The following PTGER3 variants were observed in gnomAD, a reference collection of about 807,000 sequenced individuals.
PTGER3 encodes the protein prostaglandin E2 receptor EP3 subtype.
PTGER3 carries 22 observed loss-of-function variants against 34.7 expected under a neutral mutation model. That is an observed-to-expected ratio of 0.63 (90% CI 0.45 to 0.91). The LOEUF (loss-of-function observed/expected upper bound fraction) is 0.91. PTGER3 is among the 40% of genes least tolerant of loss of function. PTGER3 has a pLI of 0.00. For synonymous variants in PTGER3, 241 were observed against 230.1 expected (o/e 1.05, Z -0.43); for missense variants, 468 against 519.4 (o/e 0.90, Z 0.96).
chr1:70,905,399 G>T, intron 4 of PTGER3, among the ~76,000 whole-genome samples: 1 of 152,106 alleles, frequency 6.6e-6, no homozygotes, highest in East Asian at 1.9e-4. Flanking sequence ...CCATGCACCT[G>T]GAAAAGCCTC....
intron 4 of PTGER3, among the ~76,000 whole-genome samples, chr1:70,919,996 C>T (rs1647371708): frequency 7.1e-6 from 1 of 140,272 alleles, no homozygotes; most frequent in African/African-American, 2.5e-5. Context: ...CTGGGTTTTA[C>T]TGGGGCAAGC....
chr1:70,889,861 C>T (rs1040604370), intron 4 of PTGER3, among the ~76,000 whole-genome samples: 8 of 151,194 alleles, frequency 5.3e-5, no homozygotes, highest in African/African-American at 1.9e-4. Context: ...TCCCTTGGGA[C>T]AGTTTACTTT....
At chr1:70,920,577 G>C (rs541566533) in intron 4 of PTGER3, among the ~76,000 whole-genome samples, 72 of 152,238 alleles carry the variant, frequency 4.7e-4, no homozygotes, top group African/African-American at 1.7e-3. Flanking sequence ...TTGACACATG[G>C]TATCAGTGTC....
chr1:70,889,220 C>T (rs1301147450), intron 4 of PTGER3, among the ~76,000 whole-genome samples: 6 of 151,508 alleles, frequency 4.0e-5, no homozygotes, highest in Non-Finnish European at 7.4e-5. Context: ...TCAAGACCAT[C>T]CTGGCTAACA....
At chr1:70,930,745 C>T (rs1009876249) in intron 4 of PTGER3, among the ~76,000 whole-genome samples, 1 of 152,260 alleles carries the variant, frequency 6.6e-6, no homozygotes, top group African/African-American at 2.4e-5. Flanking sequence ...GAAACCGCCC[C>T]ATGGTTCAAA....
chr1:70,968,818 G>A (rs653699), downstream of PTGER3, among the ~76,000 whole-genome samples: 140,223 of 151,848 alleles, frequency 0.92, 64,891 homozygotes, highest in East Asian at 1. Flanking sequence ...TGTATGAGAA[G>A]TATCTTTGCC....
chr1:70,999,817 C>A (rs1484491931), intron 2 of PTGER3, among the ~76,000 whole-genome samples: 1 of 152,198 alleles, frequency 6.6e-6, no homozygotes, highest in Non-Finnish European at 1.5e-5. Context: ...TTAGCAAAAA[C>A]CACAGGCCTG....
At chr1:71,004,076 T>C (rs74087147) in intron 2 of PTGER3, among the ~76,000 whole-genome samples, 1,736 of 152,326 alleles carry the variant, frequency 0.011, 41 homozygotes, top group African/African-American at 0.039. Context: ...TCAGAATTAT[T>C]TTCTCTCAAT....
chr1:70,860,191 A>C (rs1645897445), intron 4 of PTGER3, among the ~76,000 whole-genome samples: 1 of 152,186 alleles, frequency 6.6e-6, no homozygotes, highest in Non-Finnish European at 1.5e-5. Context: ...ACTTTTTTCT[A>C]AGATAAATTT....
At chr1:71,012,979 T>A (rs1280570993) in intron 1 of PTGER3, among the ~76,000 whole-genome samples, 2 of 152,130 alleles carry the variant, frequency 1.3e-5, no homozygotes, top group Non-Finnish European at 2.9e-5. Context: ...ATCCTTACTA[T>A]TTAGCAGACA....
intron 4 of PTGER3, among the ~76,000 whole-genome samples, chr1:70,877,119 C>T (rs1229707645): frequency 2.0e-5 from 3 of 152,108 alleles, no homozygotes; most frequent in Admixed American, 2.0e-4. Flanking sequence ...TTTGTGTCTT[C>T]TCTGATTTCT....
At chr1:71,021,876 T>C (rs1658453653) in intron 1 of PTGER3, among the ~76,000 whole-genome samples, 1 of 151,858 alleles carries the variant, frequency 6.6e-6, no homozygotes, top group Non-Finnish European at 1.5e-5. Flanking sequence ...ATATGCATAA[T>C]TTATATCTAT....
chr1:70,906,853 A>G (rs1403556430), intron 4 of PTGER3, among the ~76,000 whole-genome samples: 1 of 152,210 alleles, frequency 6.6e-6, no homozygotes, highest in African/African-American at 2.4e-5. Context: ...ATTTGAGGTA[A>G]GTTCATATAC....
At chr1:71,007,660 A>G in intron 2 of PTGER3, 1 of 985,418 alleles carries the variant, frequency 1.0e-6, no homozygotes, top group African/African-American at 1.7e-5. Flanking sequence ...GTGTATTAGT[A>G]AATCACACGC....
At chr1:70,998,131 A>T (rs565754759) in intron 2 of PTGER3, among the ~76,000 whole-genome samples, 2 of 152,350 alleles carry the variant, frequency 1.3e-5, no homozygotes, top group Admixed American at 1.3e-4. Context: ...TCCTTCATGC[A>T]TTTGAGAGAA....
intron 4 of PTGER3, among the ~76,000 whole-genome samples, chr1:70,892,645 A>G (rs1271258454): frequency 6.6e-6 from 1 of 152,102 alleles, no homozygotes; most frequent in Non-Finnish European, 1.5e-5. Flanking sequence ...GTTTGAGACC[A>G]GCCTGGCCAA....
chr1:70,964,525 T>A (rs1048577580), intron 2 of PTGER3, among the ~76,000 whole-genome samples: 8 of 152,112 alleles, frequency 5.3e-5, no homozygotes, highest in Non-Finnish European at 1.0e-4. Flanking sequence ...GCAGGGGAAC[T>A]CCCCTTTATA....
chr1:70,994,946 C>T (rs746020045), intron 2 of PTGER3, among the ~76,000 whole-genome samples: 1 of 152,024 alleles, frequency 6.6e-6, no homozygotes, highest in Non-Finnish European at 1.5e-5. Context: ...GGGACTGGGA[C>T]ACTAAGATTA....
chr1:70,995,483 G>A (rs1175940872), intron 2 of PTGER3, among the ~76,000 whole-genome samples: 1 of 152,078 alleles, frequency 6.6e-6, no homozygotes, highest in African/African-American at 2.4e-5. Flanking sequence ...GAAGGAGTAA[G>A]AAACTCACTC....
Sources: gnomAD v4.1 joint callset for allele counts (sites outside exome capture counted in the v4.1 genomes callset) on GRCh38, gnomAD v4.1.1 for gene constraint, MANE v1.5 for transcripts, NCBI Gene and HGNC (gene_info 2026-07-23, HGNC 2026-07-21) for gene names.